Variants in PDE1A observed in about 807,000 individuals in gnomAD.
The protein encoded by PDE1A is phosphodiesterase 1A.
A neutral mutation model predicts 61.7 loss-of-function variants in PDE1A; 35 were observed. That is an observed-to-expected ratio of 0.57 (90% CI 0.43 to 0.75). The LOEUF (loss-of-function observed/expected upper bound fraction) is 0.75. Ranked by LOEUF, PDE1A falls within the 30% of genes least tolerant of loss-of-function variation. The probability of loss-of-function intolerance (pLI) is 0.00; values close to 1 mark genes in which losing one functional copy is unlikely to be tolerated. For synonymous variants in PDE1A, 232 were observed against 213.2 expected (o/e 1.09, Z -0.77); for missense variants, 597 against 630.6 (o/e 0.95, Z 0.57).
At chr2:182,488,080 A>G (rs956322169) in intron 2 of PDE1A, among the ~76,000 whole-genome samples, 3 of 152,178 alleles carry the variant, frequency 2.0e-5, no homozygotes, top group Non-Finnish European at 4.4e-5. Context: ...GAACACTCAT[A>G]ATTTTGGATT....
At chr2:182,215,517 A>G (rs1301847692) in intron 7 of PDE1A, among the ~76,000 whole-genome samples, 1 of 151,662 alleles carries the variant, frequency 6.6e-6, no homozygotes, top group Non-Finnish European at 1.5e-5. Flanking sequence ...ACAGACCGCT[A>G]GCAAGACTAA....
At chr2:182,232,552 T>C (rs1465235572) in intron 4 of PDE1A, among the ~76,000 whole-genome samples, 2 of 152,238 alleles carry the variant, frequency 1.3e-5, no homozygotes, top group Non-Finnish European at 2.9e-5. Context: ...TCAAATGGTA[T>C]TTTTAATCAC....
At chr2:182,232,329 C>T (rs1354342303) in intron 4 of PDE1A, among the ~76,000 whole-genome samples, 5 of 152,192 alleles carry the variant, frequency 3.3e-5, no homozygotes, top group African/African-American at 1.2e-4. Flanking sequence ...TGTTTATACA[C>T]ATACAGTAGG....
the PDE1A span, among the ~76,000 whole-genome samples, chr2:182,646,928 A>G: frequency 3.9e-5 from 6 of 152,206 alleles, no homozygotes; most frequent in African/African-American, 1.4e-4. Context: ...ACTGGTTTCC[A>G]TCTAGGCCTG....
chr2:182,681,881 C>T, the PDE1A span, among the ~76,000 whole-genome samples: 6 of 151,184 alleles, frequency 4.0e-5, no homozygotes, highest in Non-Finnish European at 5.9e-5. Context: ...CTCCTGACCT[C>T]GTGATCCGCT....
chr2:182,403,841 G>A (rs1255580888), intron 1 of PDE1A, among the ~76,000 whole-genome samples: 1 of 151,976 alleles, frequency 6.6e-6, no homozygotes, highest in African/African-American at 2.4e-5. Flanking sequence ...CAGGGGGTGG[G>A]GGGCTAGGCA....
At chr2:182,574,083 A>C in the PDE1A span, among the ~76,000 whole-genome samples, 2 of 151,876 alleles carry the variant, frequency 1.3e-5, no homozygotes, top group Admixed American at 6.6e-5. Flanking sequence ...AGCCAATCCA[A>C]GTCCCAAAGG....
At chr2:182,689,062 C>T in the PDE1A span, among the ~76,000 whole-genome samples, 7 of 152,140 alleles carry the variant, frequency 4.6e-5, 1 homozygote, top group African/African-American at 1.7e-4. Flanking sequence ...GACGTAGACT[C>T]CCACACAAGA....
intron 2 of PDE1A, among the ~76,000 whole-genome samples, chr2:182,499,173 GTTTTT>G (rs545033513): frequency 1.3e-5 from 1 of 77,304 alleles, no homozygotes; most frequent in Admixed American, 1.7e-4. Context: ...TCTTTTTCTT[GTTTTT>G]TTTTTTTTTT....
intron 1 of PDE1A, among the ~76,000 whole-genome samples, chr2:182,288,965 TAGG>T (rs1224823689): frequency 6.6e-6 from 1 of 152,042 alleles, no homozygotes; most frequent in Non-Finnish European, 1.5e-5. Context: ...GATTTGCCAT[TAGG>T]AGCAGTCAGG....
chr2:182,491,676 C>T (rs1294952608), intron 2 of PDE1A, among the ~76,000 whole-genome samples: 2 of 152,206 alleles, frequency 1.3e-5, no homozygotes, highest in African/African-American at 2.4e-5. Context: ...ACTCTCAATA[C>T]ACCTGATCTT....
intron 2 of PDE1A, among the ~76,000 whole-genome samples, chr2:182,521,711 T>C (rs1487021477): frequency 1.3e-5 from 2 of 152,168 alleles, no homozygotes; most frequent in Non-Finnish European, 2.9e-5. Context: ...TCAGGAGAAG[T>C]GAACTGTGAA....
the PDE1A span, among the ~76,000 whole-genome samples, chr2:182,683,157 A>G: frequency 3.3e-4 from 48 of 145,480 alleles, no homozygotes; most frequent in African/African-American, 1.2e-3. Flanking sequence ...CAGTGGTGCG[A>G]TCTCGGCTCA....
the PDE1A span, among the ~76,000 whole-genome samples, chr2:182,652,087 G>C: frequency 6.6e-6 from 1 of 152,078 alleles, no homozygotes; most frequent in Non-Finnish European, 1.5e-5. Flanking sequence ...ATGCATATAA[G>C]GTATGTTTTC....
chr2:182,513,316 A>T (rs1689927869), intron 2 of PDE1A, among the ~76,000 whole-genome samples: 1 of 152,242 alleles, frequency 6.6e-6, no homozygotes, highest in African/African-American at 2.4e-5. Context: ...CAGGAAAAAC[A>T]TTCCAACCAA....
Position 182,147,093 on chromosome 2 carries a change from C to T in PDE1A, c.1576G>A (p.Glu526Lys), listed in dbSNP as rs144375935. The T allele has an allele frequency of 3.6e-5, 57 of 1,605,526 alleles. 1 individual carries two copies. In the African/African-American group the frequency reaches 6.7e-4, roughly 19 times the overall value. ...GTGTTTCGGGCCTATGAATGTGTCTCATCATGTTTTTCTTCAGCATTTACT... is the reference window on the plus strand; with the variant it reads ...GTGTTTCGGGCCTATGAATGTGTCTTATCATGTTTTTCTTCAGCATTTACT... Residue 526 changes from glutamate to lysine, a missense_variant, in exon 14 of 14, where the codon GAG becomes AAG. Physicochemically the swap from Glu to Lys is moderately conservative, Grantham distance 56. Coordinates refer to the PDE1A transcript ENST00000409365.
the PDE1A span, among the ~76,000 whole-genome samples, chr2:182,612,889 G>A: frequency 6.6e-6 from 1 of 152,150 alleles, no homozygotes; most frequent in Non-Finnish European, 1.5e-5. Context: ...AACCATTTGC[G>A]AGATCGGCCT....
chr2:182,604,556 G>T, the PDE1A span, among the ~76,000 whole-genome samples: 2 of 152,170 alleles, frequency 1.3e-5, no homozygotes, highest in Non-Finnish European at 2.9e-5. Context: ...ACAGTGGAAA[G>T]TTTATCGAAA....
intron 1 of PDE1A, among the ~76,000 whole-genome samples, chr2:182,380,806 T>A (rs1235021742): frequency 6.6e-6 from 1 of 152,180 alleles, no homozygotes; most frequent in Non-Finnish European, 1.5e-5. Context: ...GTTCACAAGG[T>A]AACCAGACTA....
Sources: gnomAD v4.1 joint callset for allele counts (sites outside exome capture counted in the v4.1 genomes callset) on GRCh38, gnomAD v4.1.1 for gene constraint, MANE v1.5 for transcripts, NCBI Gene and HGNC (gene_info 2026-07-23, HGNC 2026-07-21) for gene names.